The following ALG10B variants were observed in gnomAD, a reference collection of about 807,000 sequenced individuals.
The protein encoded by ALG10B is dol-P-Glc:Glc(2)Man(9)GlcNAc(2)-PP-Dol alpha-1,2-glucosyltransferase B.
Under a neutral mutation model 38.7 loss-of-function variants are expected in ALG10B, and 27 were observed. The ratio of observed to expected loss-of-function variants is 0.70; its 90% CI spans 0.51 to 0.96. ALG10B has a LOEUF of 0.96. Among genes scored for constraint, ALG10B ranks in the 40% least tolerant of loss-of-function variants. The probability of loss-of-function intolerance (pLI) is 0.00; values close to 1 mark genes in which losing one functional copy is unlikely to be tolerated. For synonymous variants in ALG10B, 177 were observed against 193.3 expected (o/e 0.92, Z 0.70); for missense variants, 522 against 542.7 (o/e 0.96, Z 0.38).
Position 38,316,927 on chromosome 12 carries a change from G to A in ALG10B, c.34G>A (p.Ala12Thr), listed in dbSNP as rs754460276. ...AQLEGYCFSAALSCTFLVSCL... is the reference protein window; with the variant it reads ...AQLEGYCFSATLSCTFLVSCL... ...GCTAGAGGGTTACTGTTTCTCGGCC[G>A]CCTTGAGCTGTACCTTTTTAGTGTC... Residue 12 changes from alanine (A) to threonine (T), a missense_variant, in exon 1 of 3, where the codon GCC becomes ACC. Physicochemically the swap from Ala to Thr is moderately conservative, Grantham distance 58. Transcript: ENST00000308742. The A allele has an allele frequency of 1.2e-6, 2 of 1,614,168 alleles. No individual in the cohort carries two copies. The highest frequency in any genetic ancestry group is 1.7e-6 in the Non-Finnish European group (2 of 1,180,036).
Position 38,327,271 on chromosome 12 carries a change from T to C in ALG10B, c.*6058T>C, listed in dbSNP as rs1363936753. ...CTGTGCCAGCTTCCAACAAGAAAAA[T>C]ATTAAATGTATTGGTTTTTCACAGT... is the stretch of plus-strand genomic sequence containing the variant. On this transcript the variant is annotated 3_prime_UTR_variant, in exon 3 of 3. Transcript: ENST00000308742. 6.6e-6 allele frequency: 1 copy of C among 151,898 alleles called. No homozygotes were observed. Among genetic ancestry groups the C allele is most frequent in the Non-Finnish European group, 1.5e-5 (1 of 67,994 alleles). 9.4% of individuals were successfully genotyped at this position (151,898 alleles called of 1,614,324 possible). A position where few individuals can be genotyped will look rare whatever the true frequency, so the allele number is the denominator to read the frequency against.
chr12:38,318,695 C>T lies in ALG10B; in HGVS notation c.369+237C>T, dbSNP rs145137106. Among the ~76,000 whole-genome samples, 285 of 152,264 alleles carry T rather than the reference C, an allele frequency of 1.9e-3. 6 individuals carry two copies. In the East Asian group the frequency reaches 0.047, roughly 25 times the overall value. On this transcript the variant is annotated intron_variant, in intron 2 of 2. Transcript: ENST00000308742. ...GTAAATATTTGTTAAGTGAGTCAAA[C>T]CAGTTCAATAAATACTTACTGAGCT... is the stretch of plus-strand genomic sequence containing the variant.
rs751051428 is a variant in ALG10B, at chr12:38,320,318, C to T, written c.527C>T (p.Ala176Val). 1 of 1,613,892 alleles carries T rather than the reference C, an allele frequency of 6.2e-7. No homozygotes were observed. Among genetic ancestry groups the T allele is most frequent in the South Asian group, 1.1e-5 (1 of 91,070 alleles). Residue 176 changes from alanine to valine, a missense_variant, in exon 3 of 3, where the codon GCC (alanine) becomes GTC (valine). Transcript: ENST00000308742. ...CTTTATGGAAATCATAAAACTTCAG[C>T]CTTCCTTGGATTTTGTGGCTTCATG... ...MCLYGNHKTS[A>V]FLGFCGFMFR...
At position 38,322,960 on chromosome 12, in the gene ALG10B, A is replaced by G. The variant is rs1222006909; in HGVS notation, c.*1747A>G. The G allele has an allele frequency of 6.6e-6, 1 of 152,138 alleles. No individual in the cohort carries two copies. The highest frequency in any genetic ancestry group is 6.6e-5 in the Admixed American group (1 of 15,266). 9.4% of individuals were successfully genotyped at this position (152,138 alleles called of 1,614,324 possible). ...ACAATTTCTTCCTTTTTAAAGGCTG[A>G]ATAGTATTTTTTTGTATATATATGC... On this transcript the variant is annotated 3_prime_UTR_variant, in exon 3 of 3. Coordinates refer to ENST00000308742, the MANE Select transcript of ALG10B (RefSeq NM_001013620.4).
At position 38,320,244 on chromosome 12, in the gene ALG10B, T is replaced by A. The variant is rs780939610; in HGVS notation, c.453T>A (p.Tyr151Ter). The A allele has an allele frequency of 2.5e-6, 4 of 1,614,066 alleles. No individual in the cohort carries two copies. Among genetic ancestry groups the A allele is most frequent in the Non-Finnish European group, 1.7e-6 (2 of 1,179,922 alleles). Residue 151 changes from tyrosine to a stop codon, truncating the protein, a stop_gained, in exon 3 of 3, where the codon TAT becomes TAA. Transcript: ENST00000308742. LOFTEE classifies it high-confidence loss of function. Reference sequence around the variant, plus strand: ...TTTATTTTTTTAACTTCCTTTATTATACAGAAGCAGGATCTATGTTTTTTA... The same window carrying A: ...TTTATTTTTTTAACTTCCTTTATTAAACAGAAGCAGGATCTATGTTTTTTA... Reference protein sequence around the residue: ...PTLYFFNFLYYTEAGSMFFTL... With the variant: ...PTLYFFNFLY
chr12:38,317,135 A>G, intron 1 of ALG10B, 71 bp downstream of exon 1: 1 of 1,605,136 alleles, frequency 6.2e-7, no homozygotes, highest in Non-Finnish European at 8.5e-7. Flanking sequence ...TCCTTCTCCC[A>G]TCTTTAGACT....
chr12:38,317,215 GTC>G (rs1465710952), intron 1 of ALG10B, 151 bp downstream of exon 1: 9 of 1,039,770 alleles, frequency 8.7e-6, no homozygotes, highest in Middle Eastern at 6.2e-4. Flanking sequence ...TTTTGTTCCT[GTC>G]TCTGAGATCT....
Position 38,328,658 on chromosome 12 carries a change from G to A in ALG10B, c.*7445G>A, listed in dbSNP as rs7977738. The A allele has an allele frequency of 0.58, 87,678 of 151,920 alleles. 25,731 individuals are homozygous for A. The highest frequency in any genetic ancestry group is 0.84 in the East Asian group (4,365 of 5,184). 9.4% of individuals were successfully genotyped at this position (151,920 alleles called of 1,614,324 possible). On this transcript the variant is annotated 3_prime_UTR_variant, in exon 3 of 3. Coordinates refer to ENST00000308742, the MANE Select transcript of ALG10B (RefSeq NM_001013620.4). ...CTAATGTTATTCAAATGTTTTCTGC[G>A]TTGTATGAAGCTAAGATAAATGTAA...
At chr12:38,319,051 G>A (rs761794412) in intron 2 of ALG10B, among the ~76,000 whole-genome samples, 1 of 152,126 alleles carries the variant, frequency 6.6e-6, no homozygotes, top group Non-Finnish European at 1.5e-5. Context: ...TATAGTAAGG[G>A]CTCAGTAAAT....
rs1410270992 is a variant in ALG10B at position 38,325,647 on chromosome 12, G to C, written c.*4434G>C. On this transcript the variant is annotated 3_prime_UTR_variant, in exon 3 of 3. Coordinates refer to ENST00000308742, the MANE Select transcript of ALG10B (RefSeq NM_001013620.4). The stretch of plus-strand genomic sequence containing the variant: ...AATTTTTAAATGGAAATTGAAATAT[G>C]ACTTAGGAACTGTGGGCTTGTAGAA... The C allele has an allele frequency of 3.3e-5, 5 of 152,150 alleles. No individual in the cohort carries two copies. The highest frequency in any genetic ancestry group is 6.5e-5 in the Admixed American group (1 of 15,278). The allele number at this position is 152,150 out of a possible 1,614,324, so 9.4% of individuals were successfully genotyped here. A position where few individuals can be genotyped will look rare whatever the true frequency, so the allele number is the denominator to read the frequency against.
chr12:38,320,275 T>C lies in ALG10B; in HGVS notation c.484T>C (p.Phe162Leu). ...AGCAGGATCTATGTTTTTTACTCTTTTTGCATATTTGATGTGTCTTTATGG... is the reference window on the plus strand; with the variant it reads ...AGCAGGATCTATGTTTTTTACTCTTCTTGCATATTTGATGTGTCTTTATGG... The part of the protein sequence containing the change: ...TEAGSMFFTL[F>L]AYLMCLYGNH... Residue 162 changes from phenylalanine to leucine, a missense_variant, in exon 3 of 3, where the codon TTT (phenylalanine) becomes CTT (leucine). Phe to Leu is a conservative substitution (Grantham distance 22). Coordinates refer to ENST00000308742, the MANE Select transcript of ALG10B (RefSeq NM_001013620.4). 5 of 1,614,118 alleles carry C rather than the reference T, an allele frequency of 3.1e-6. No individual in the cohort carries two copies. Among genetic ancestry groups the C allele is most frequent in the Non-Finnish European group, 3.4e-6 (4 of 1,179,976 alleles).
In ALG10B at chr12:38,320,443, G is replaced by A. The variant is rs749639899; in HGVS notation, c.652G>A (p.Asp218Asn). ...AWKTELQKKE[D>N]RLPPIKGPFA... Reference sequence around the variant, plus strand: ...GAAAACTGAGCTACAAAAGAAGGAAGACAGACTTCCACCTATTAAAGGACC... The same window carrying A: ...GAAAACTGAGCTACAAAAGAAGGAAAACAGACTTCCACCTATTAAAGGACC... The change falls in exon 3 of 3, where the codon GAC becomes AAC. Residue 218 changes from aspartate to asparagine, a missense_variant. Coordinates refer to ENST00000308742, the MANE Select transcript of ALG10B (RefSeq NM_001013620.4). 6.2e-7 allele frequency: 1 copy of A among 1,614,066 alleles called. No individual in the cohort carries two copies. The highest frequency in any genetic ancestry group is 8.5e-7 in the Non-Finnish European group (1 of 1,179,948).
In ALG10B at chr12:38,322,209, C is replaced by T. The variant is rs1400770586; in HGVS notation, c.*996C>T. On this transcript the variant is annotated 3_prime_UTR_variant, in exon 3 of 3. Transcript: ENST00000308742. ...ACAGCAATCTTCACTCCAGTCTCTGCCTCTGCGTTCACACGGCCTTTCCCT... is the reference window on the plus strand; with the variant it reads ...ACAGCAATCTTCACTCCAGTCTCTGTCTCTGCGTTCACACGGCCTTTCCCT... 1 of 152,224 alleles carries T rather than the reference C, an allele frequency of 6.6e-6. No individual in the cohort carries two copies. The highest frequency in any genetic ancestry group is 1.5e-5 in the Non-Finnish European group (1 of 68,060). The allele number at this position is 152,224 out of a possible 1,614,324, so 9.4% of individuals were successfully genotyped here.
chr12:38,320,075 T>C, intron 2 of ALG10B, 86 bp from the exon 3 acceptor site: 1 of 1,499,566 alleles, frequency 6.7e-7, no homozygotes, highest in Non-Finnish European at 9.2e-7. Flanking sequence ...AGTAGTTGAG[T>C]AGTTTTAAAT....
chr12:38,320,095 C>A lies in ALG10B; in HGVS notation c.370-66C>A, dbSNP rs73261354. The A allele has an allele frequency of 6.2e-3, 9,810 of 1,585,266 alleles. 516 individuals are homozygous for A. The African/African-American group carries it at 0.11, about 18-fold the overall frequency. On this transcript the variant is annotated intron_variant, in intron 2 of 2. Transcript: ENST00000308742. Reference sequence around the variant, plus strand: ...TTGAGTAGTTTTAAATAAATCTCTTCATTAGGTAAGCAGAAATAGCATTTA... The same window carrying A: ...TTGAGTAGTTTTAAATAAATCTCTTAATTAGGTAAGCAGAAATAGCATTTA...
Position 38,320,630 on chromosome 12 carries a change from G to A in ALG10B, c.839G>A (p.Ser280Asn), listed in dbSNP as rs1945694399. The A allele has an allele frequency of 2.5e-6, 4 of 1,613,990 alleles. No individual in the cohort carries two copies. The highest frequency in any genetic ancestry group is 2.5e-6 in the Non-Finnish European group (3 of 1,179,922). ...VNGGIVIGDRSSHEACLHFPQ... is the reference protein window; with the variant it reads ...VNGGIVIGDRNSHEACLHFPQ... ...GGTGGAATTGTTATTGGCGATCGGAGTAGTCATGAAGCCTGTCTTCATTTT... is the reference window on the plus strand; with the variant it reads ...GGTGGAATTGTTATTGGCGATCGGAATAGTCATGAAGCCTGTCTTCATTTT... Residue 280 changes from serine to asparagine, a missense_variant, in exon 3 of 3, where the codon AGT (serine) becomes AAT (asparagine). Ser to Asn is a conservative substitution (Grantham distance 46, BLOSUM62 1). Transcript: ENST00000308742.
rs187174133 is a variant in ALG10B, at chr12:38,328,035, C to T, written c.*6822C>T. ...GTTTAGTCTTTTTAGGGAAACAAGC[C>T]CAGAAAAAAAGTAAGATTCTCATTC... On this transcript the variant is annotated 3_prime_UTR_variant, in exon 3 of 3. Transcript: ENST00000308742. The T allele has an allele frequency of 1.1e-3, 174 of 151,878 alleles. No individual in the cohort carries two copies. Among genetic ancestry groups the T allele is most frequent in the African/African-American group, 4.1e-3 (169 of 41,422 alleles). The allele number at this position is 151,878 out of a possible 1,614,324, so 9.4% of individuals were successfully genotyped here.
At position 38,321,010 on chromosome 12, in the gene ALG10B, A is replaced by C. The variant is rs1228939826; in HGVS notation, c.1219A>C (p.Ile407Leu). The part of the protein sequence containing the change: ...LMFFICLFIV[I>L]VPQKLLEFRY... ...GTTTTTCATATGCTTGTTCATTGTTATAGTTCCTCAGAAACTGCTGGAATT... is the reference window on the plus strand; with the variant it reads ...GTTTTTCATATGCTTGTTCATTGTTCTAGTTCCTCAGAAACTGCTGGAATT... The change falls in exon 3 of 3, where the codon ATA becomes CTA. Residue 407 changes from isoleucine to leucine, a missense_variant. Coordinates refer to ENST00000308742, the MANE Select transcript of ALG10B (RefSeq NM_001013620.4). 12 of 1,613,112 alleles carry C rather than the reference A, an allele frequency of 7.4e-6. No individual in the cohort carries two copies. Among genetic ancestry groups the C allele is most frequent in the Non-Finnish European group, 1.0e-5 (12 of 1,179,752 alleles).
rs766352413 is a variant in ALG10B, at chr12:38,316,920, C to T, written c.27C>T (p.Phe9=). 1.9e-6 allele frequency: 3 copies of T among 1,614,080 alleles called. No homozygotes were observed. The highest frequency in any genetic ancestry group is 2.7e-5 in the African/African-American group (2 of 74,944). Residue 9 remains phenylalanine, a synonymous_variant, in exon 1 of 3, where the codon TTC becomes TTT. Coordinates refer to ENST00000308742, the MANE Select transcript of ALG10B (RefSeq NM_001013620.4). Reference sequence around the variant, plus strand: ...TGGCGCAGCTAGAGGGTTACTGTTTCTCGGCCGCCTTGAGCTGTACCTTTT... The same window carrying T: ...TGGCGCAGCTAGAGGGTTACTGTTTTTCGGCCGCCTTGAGCTGTACCTTTT... MAQLEGYC[F]SAALSCTFLV... is the part of the protein sequence containing the mutation.
Sources: gnomAD v4.1 joint callset for allele counts (sites outside exome capture counted in the v4.1 genomes callset) on GRCh38, gnomAD v4.1.1 for gene constraint, MANE v1.5 for transcripts, NCBI Gene and HGNC (gene_info 2026-07-23, HGNC 2026-07-21) for gene names.